Variants in NME8 observed in about 807,000 individuals in gnomAD.
The protein encoded by NME8 is protein NME8.
A neutral mutation model predicts 82.3 loss-of-function variants in NME8; 72 were observed. The observed-to-expected ratio is 0.87, with a 90% CI of 0.72 to 1.06. The LOEUF (loss-of-function observed/expected upper bound fraction) is 1.06. Among genes scored for constraint, NME8 ranks in the 50% least tolerant of loss-of-function variants. The pLI, the probability that NME8 is intolerant of heterozygous loss-of-function variation, is 0.00. For synonymous variants in NME8, 267 were observed against 228.5 expected (o/e 1.17, Z -1.52); for missense variants, 712 against 685.4 (o/e 1.04, Z -0.43).
chr7:37,869,603 C>T (rs538824521), intron 11 of NME8, among the ~76,000 whole-genome samples: 2 of 152,116 alleles, frequency 1.3e-5, no homozygotes, highest in Non-Finnish European at 2.9e-5. Flanking sequence ...ATGCCAGCAG[C>T]TCTCCCTCCA....
At chr7:37,882,643 G>GAAAGAA in intron 12 of NME8, among the ~76,000 whole-genome samples, 1 of 49,474 alleles carries the variant, frequency 2.0e-5, no homozygotes, top group South Asian at 7.1e-4. Flanking sequence ...AAGAAAGAAA[G>GAAAGAA]AGAAAGAAAG....
At position 37,894,597 on chromosome 7, in the gene NME8, G is replaced by A. The variant is rs1785189913; in HGVS notation, c.1531G>A (p.Glu511Lys). The A allele has an allele frequency of 6.3e-7, 1 of 1,587,566 alleles. No individual in the cohort carries two copies. The highest frequency in any genetic ancestry group is 1.7e-5 in the Admixed American group (1 of 59,746). The change falls in exon 16 of 18, where the codon GAA (glutamate) becomes AAA (lysine). Residue 511 changes from glutamate (E) to lysine (K), a missense_variant. By Grantham distance (56) the Glu-to-Lys change is moderately conservative (BLOSUM62 1). Coordinates refer to ENST00000199447, the MANE Select transcript of NME8 (RefSeq NM_016616.5). ...TGKDFYKDLL[E>K]MLSVGPSMVM... ...AAAAGACTTTTATAAAGATTTATTGGAAATGTTATCTGTGTAAGTTTCTGA... is the reference window on the plus strand; with the variant it reads ...AAAAGACTTTTATAAAGATTTATTGAAAATGTTATCTGTGTAAGTTTCTGA...
At chr7:37,871,761 C>G (rs549053896) in intron 11 of NME8, among the ~76,000 whole-genome samples, 25 of 152,184 alleles carry the variant, frequency 1.6e-4, no homozygotes, top group Non-Finnish European at 3.4e-4. Flanking sequence ...TTCTCAGTAG[C>G]CTCTCTATTT....
chr7:37,881,172 A>C (rs1784939453), intron 12 of NME8, among the ~76,000 whole-genome samples: 1 of 152,016 alleles, frequency 6.6e-6, no homozygotes. Flanking sequence ...TTATTTCTTT[A>C]GCTAAGATTT....
At chr7:37,851,176 A>T (rs904212147) in intron 5 of NME8, among the ~76,000 whole-genome samples, 1 of 152,222 alleles carries the variant, frequency 6.6e-6, no homozygotes, top group Non-Finnish European at 1.5e-5. Context: ...TTAAAATATT[A>T]TAGCCAAACA....
chr7:37,896,562 C>G (rs1419100632), intron 16 of NME8, among the ~76,000 whole-genome samples: 2 of 152,200 alleles, frequency 1.3e-5, no homozygotes, highest in Non-Finnish European at 2.9e-5. Context: ...CGGTTAGAGG[C>G]TGCTGGACAA....
At chr7:37,898,384 G>T (rs754984881) in intron 17 of NME8, among the ~76,000 whole-genome samples, 14 of 152,076 alleles carry the variant, frequency 9.2e-5, no homozygotes, top group Non-Finnish European at 2.1e-4. Context: ...ATTCCCAAAA[G>T]AACTGAAAAC....
intron 6 of NME8, among the ~76,000 whole-genome samples, chr7:37,858,488 T>A (rs1240130520): frequency 3.3e-5 from 5 of 152,114 alleles, no homozygotes; most frequent in African/African-American, 1.2e-4. Flanking sequence ...TTTGTTTTGT[T>A]TTTTGTAAAG....
intron 12 of NME8, among the ~76,000 whole-genome samples, chr7:37,878,387 C>T (rs1323802647): frequency 6.6e-6 from 1 of 152,076 alleles, no homozygotes. Flanking sequence ...TGTCTATATT[C>T]AGGAGGGATA....
At chr7:37,883,770 G>T (rs1483928549) in intron 12 of NME8, among the ~76,000 whole-genome samples, 2 of 152,210 alleles carry the variant, frequency 1.3e-5, no homozygotes, top group East Asian at 3.8e-4. Context: ...GAAGGATGGA[G>T]GTGTGAGTAT....
At chr7:37,887,921 A>T (rs889518519) in intron 14 of NME8, among the ~76,000 whole-genome samples, 2 of 152,152 alleles carry the variant, frequency 1.3e-5, no homozygotes, top group Non-Finnish European at 2.9e-5. Flanking sequence ...CCCATGATTC[A>T]GTTAGCTCCC....
chr7:37,873,887 C>G (rs1041970364), intron 11 of NME8, among the ~76,000 whole-genome samples: 25 of 152,308 alleles, frequency 1.6e-4, no homozygotes, highest in African/African-American at 6.0e-4. Context: ...TTTAAAATTG[C>G]ACTTGCACTT....
intron 9 of NME8, among the ~76,000 whole-genome samples, chr7:37,865,090 A>G (rs1327830536): frequency 6.6e-6 from 1 of 152,160 alleles, no homozygotes. Flanking sequence ...TTCAAAAACG[A>G]ATCATGGTTT....
rs1393378163 is a variant in NME8, at chr7:37,897,005, A to G, written c.1680A>G (p.Lys560=). The G allele has an allele frequency of 2.5e-6, 4 of 1,613,890 alleles. No individual in the cohort carries two copies. The highest frequency in any genetic ancestry group is 3.4e-6 in the Non-Finnish European group (4 of 1,179,920). ...DSIRAQFGIS[K]LKNIVHGASN... ...TCCGAGCCCAGTTTGGAATAAGTAA[A>G]TTGAAAAACATTGTCCATGGAGCAT... Residue 560 remains lysine (K), a synonymous_variant, in exon 17 of 18, where the codon AAA becomes AAG. Transcript: ENST00000199447.
At chr7:37,868,848 A>G (rs1227148320) in intron 11 of NME8, among the ~76,000 whole-genome samples, 1 of 152,144 alleles carries the variant, frequency 6.6e-6, no homozygotes, top group African/African-American at 2.4e-5. Flanking sequence ...TTGTTGATGG[A>G]TTTTAAAATA....
intron 11 of NME8, among the ~76,000 whole-genome samples, chr7:37,870,333 G>A (rs779864844): frequency 2.0e-5 from 3 of 151,972 alleles, no homozygotes; most frequent in African/African-American, 7.2e-5. Flanking sequence ...GCTCATGCTT[G>A]TAATCCCAGC....
Position 37,865,393 on chromosome 7 carries a change from C to T in NME8, c.529-132C>T. The T allele has an allele frequency of 7.3e-6, 5 of 689,296 alleles. No homozygotes were observed. The South Asian group carries it at 7.9e-5, about 11-fold the overall frequency. The allele number at this position is 689,296 out of a possible 1,614,324, so 42.7% of individuals were successfully genotyped here. ...TTTGAGCCACTTCAAACCAAGTGTC[C>T]TATAGATTTTGCTGAGGTTCTTATA... On this transcript the variant is annotated intron_variant, in intron 9 of 17. Coordinates refer to ENST00000199447, the MANE Select transcript of NME8 (RefSeq NM_016616.5).
chr7:37,882,595 GAAAGAGAGAGAGAGAGAGAGAA>G (rs1383321672), intron 12 of NME8, among the ~76,000 whole-genome samples: 32 of 54,022 alleles, frequency 5.9e-4, no homozygotes, highest in East Asian at 5.4e-3. Context: ...AAGAAAGAAA[GAAAGAGAGAGAGAGAGAGAGAA>G]AGAAAGAAAG....
chr7:37,865,417 T>C (rs1784661595), intron 9 of NME8, 108 bp from the exon 10 acceptor site: 2 of 755,230 alleles, frequency 2.6e-6, no homozygotes, highest in Non-Finnish European at 4.8e-6. Context: ...GAGGTTCTTA[T>C]AGAAAATGTA....
Sources: gnomAD v4.1 joint callset for allele counts (sites outside exome capture counted in the v4.1 genomes callset) on GRCh38, gnomAD v4.1.1 for gene constraint, MANE v1.5 for transcripts, NCBI Gene and HGNC (gene_info 2026-07-23, HGNC 2026-07-21) for gene names.